SNAP47: variants seen among roughly 807,000 people sequenced by gnomAD.
The protein encoded by SNAP47 is synaptosomal-associated protein 47.
Under a neutral mutation model 31.4 loss-of-function variants are expected in SNAP47, and 20 were observed. The observed-to-expected ratio is 0.64, with a 90% CI of 0.45 to 0.93. The LOEUF (loss-of-function observed/expected upper bound fraction) is 0.93, where lower values mean the gene tolerates loss of function less well. Among genes scored for constraint, SNAP47 ranks in the 40% least tolerant of loss-of-function variants. SNAP47 has a pLI of 0.00. For synonymous variants in SNAP47, 194 were observed against 213.4 expected, an observed-to-expected ratio of 0.91 and a Z score of 0.79; for missense variants, 492 against 528.5, an observed-to-expected ratio of 0.93 and a Z score of 0.68.
chr1:227,749,407 G>A (rs1572005618), intron 2 of SNAP47, among the ~76,000 whole-genome samples: 1 of 152,152 alleles, frequency 6.6e-6, no homozygotes, highest in African/African-American at 2.4e-5. Context: ...GTGCCCACTT[G>A]GGTGGGTCCA....
At chr1:227,758,364 C>T (rs1662822250) in intron 2 of SNAP47, among the ~76,000 whole-genome samples, 1 of 152,260 alleles carries the variant, frequency 6.6e-6, no homozygotes, top group South Asian at 2.1e-4. Context: ...TCTGTCCCCA[C>T]ACCTGTAGAT....
At chr1:227,732,600 A>G (rs1660735814), upstream of SNAP47, 1 of 1,613,488 alleles carries the variant, frequency 6.2e-7, no homozygotes, top group Non-Finnish European at 8.5e-7. Flanking sequence ...CAGGACCAGG[A>G]GCCTCTTCTC....
At chr1:227,771,505 A>G (rs35582095) in intron 4 of SNAP47, among the ~76,000 whole-genome samples, 44,345 of 152,030 alleles carry the variant, frequency 0.29, 8,764 homozygotes, top group African/African-American at 0.56. Flanking sequence ...GCATGCACGT[A>G]GCTTGAGGGT....
intron 1 of SNAP47, among the ~76,000 whole-genome samples, chr1:227,742,307 T>C (rs1661663309): frequency 6.6e-6 from 1 of 152,168 alleles, no homozygotes; most frequent in Non-Finnish European, 1.5e-5. Context: ...CAATCACGAC[T>C]CACTGCAGCC....
At chr1:227,771,708 G>C (rs1012258726) in intron 4 of SNAP47, among the ~76,000 whole-genome samples, 3 of 122,096 alleles carry the variant, frequency 2.5e-5, no homozygotes, top group African/African-American at 9.8e-5. Flanking sequence ...CCACTCCTGT[G>C]CCCATGCCCC....
intron 1 of SNAP47, among the ~76,000 whole-genome samples, chr1:227,740,076 C>T (rs1661493231): frequency 6.6e-6 from 1 of 152,220 alleles, no homozygotes; most frequent in South Asian, 2.1e-4. Flanking sequence ...CATGATAGTG[C>T]CTTCTGTAGT....
intron 1 of SNAP47, chr1:227,746,892 G>C (rs1328872545): frequency 6.6e-6 from 1 of 152,236 alleles, no homozygotes; most frequent in South Asian, 2.1e-4. Context: ...CCTGGATCTT[G>C]CACAAGGCCC....
intron 1 of SNAP47, among the ~76,000 whole-genome samples, chr1:227,742,017 T>A (rs1489524811): frequency 6.6e-6 from 1 of 151,846 alleles, no homozygotes; most frequent in Non-Finnish European, 1.5e-5. Context: ...TTTCTTTTTT[T>A]TCTTTTTTTA....
At chr1:227,776,784 T>C (rs1258324177) in intron 4 of SNAP47, 3 of 985,372 alleles carry the variant, frequency 3.0e-6, no homozygotes, top group Non-Finnish European at 3.6e-6. Context: ...CGCTCTTGTG[T>C]TTTTGCACTA....
At position 227,741,207 on chromosome 1, in the gene SNAP47, C is replaced by T. The variant is rs1280444145; in HGVS notation, c.-46+5708C>T. Among the ~76,000 whole-genome samples the T allele has an allele frequency of 6.6e-6, 1 of 152,076 alleles. No homozygotes were observed. The highest frequency in any genetic ancestry group is 1.5e-5 in the Non-Finnish European group (1 of 68,002). Reference sequence around the variant, plus strand: ...CTGGCTGGAGTGGGTGTTTGGGAGGCAACGGCTTGGGGGTGATGTTGAGTT... The same window carrying T: ...CTGGCTGGAGTGGGTGTTTGGGAGGTAACGGCTTGGGGGTGATGTTGAGTT... On this transcript the variant is annotated intron_variant, in intron 1 of 4. Coordinates refer to ENST00000617596, the MANE Select transcript of SNAP47 (RefSeq NM_053052.4). The surrounding 1 kb of genome is among the most constrained non-coding windows in gnomAD (Gnocchi z 4.2).
intron 2 of SNAP47, among the ~76,000 whole-genome samples, chr1:227,751,175 A>G (rs906436772): frequency 9.2e-5 from 14 of 152,136 alleles, no homozygotes; most frequent in Non-Finnish European, 1.5e-4. Flanking sequence ...GGTGAAGAAG[A>G]GCCCGCCCTG....
chr1:227,777,124 T>C, intron 4 of SNAP47: 5 of 862,170 alleles, frequency 5.8e-6, no homozygotes, highest in East Asian at 2.4e-4. Flanking sequence ...AAAAAAGTTA[T>C]TTTATTTTCT....
At chr1:227,778,767 G>A (rs993924115) in intron 4 of SNAP47, among the ~76,000 whole-genome samples, 12 of 152,296 alleles carry the variant, frequency 7.9e-5, no homozygotes, top group Admixed American at 2.0e-4. Context: ...CCTGTGTGAG[G>A]TCATCTGCCC....
At chr1:227,775,053 G>A (rs561557210) in intron 4 of SNAP47, among the ~76,000 whole-genome samples, 11 of 152,324 alleles carry the variant, frequency 7.2e-5, no homozygotes, top group Non-Finnish European at 1.3e-4. Context: ...CCACCGCCGC[G>A]GGGGCGTCCT....
chr1:227,747,571 G>A, intron 1 of SNAP47, 121 bp from the exon 2 acceptor site: 1 of 997,294 alleles, frequency 1.0e-6, no homozygotes, highest in Non-Finnish European at 1.5e-6. Flanking sequence ...TGGATCGAGA[G>A]TCAGCCACGT....
chr1:227,739,236 C>T (rs1661435203), intron 1 of SNAP47, among the ~76,000 whole-genome samples: 1 of 152,218 alleles, frequency 6.6e-6, no homozygotes, highest in Admixed American at 6.5e-5. Flanking sequence ...TCTTGGCTCA[C>T]TGCAACCTCT....
rs199820246 is a variant in SNAP47 at position 227,759,153 on chromosome 1, A to G, written c.656A>G (p.His219Arg). 1 of 1,614,196 alleles carries G rather than the reference A, an allele frequency of 6.2e-7. No individual in the cohort carries two copies. Among genetic ancestry groups the G allele is most frequent in the Non-Finnish European group, 8.5e-7 (1 of 1,180,048 alleles). The change falls in exon 3 of 5, where the codon CAC becomes CGC. Residue 219 changes from histidine to arginine, a missense_variant. Transcript: ENST00000617596. ...ATAAAAATTCCTGCTGTTATTTCCCACAGAACAGAGTCTCACGTTAAACCA... is the reference window on the plus strand; with the variant it reads ...ATAAAAATTCCTGCTGTTATTTCCCGCAGAACAGAGTCTCACGTTAAACCA... The part of the protein sequence containing the change: ...ILIKIPAVIS[H>R]RTESHVKPGR...
intron 1 of SNAP47, among the ~76,000 whole-genome samples, chr1:227,744,572 C>T (rs562918902): frequency 2.0e-5 from 3 of 151,964 alleles, no homozygotes; most frequent in Admixed American, 6.6e-5. Context: ...TTCTCCCTCC[C>T]TCCCCCTCCT....
chr1:227,748,321 A>C lies in SNAP47; in HGVS notation c.497+88A>C, dbSNP rs1433930363. On this transcript the variant is annotated intron_variant, in intron 2 of 4. Transcript: ENST00000617596. ...CACAGGCACTGTTCCAGGCCACTGC[A>C]CCATATTTGCACACATCCAGCATTC... The C allele has an allele frequency of 8.7e-6, 12 of 1,375,602 alleles. No individual in the cohort carries two copies. In the East Asian group the frequency reaches 3.0e-4, roughly 35 times the overall value. The allele number at this position is 1,375,602 out of a possible 1,614,324, so 85.2% of individuals were successfully genotyped here.
Sources: allele counts gnomAD v4.1 joint callset (sites outside exome capture counted in the v4.1 genomes callset), GRCh38; gene constraint gnomAD v4.1.1; non-coding constraint Gnocchi (gnomAD v3.1); transcripts MANE v1.5; gene names NCBI Gene and HGNC (gene_info 2026-07-23, HGNC 2026-07-21).